The following WWOX variants were observed in gnomAD, a reference collection of about 807,000 sequenced individuals.
The protein encoded by WWOX is WW domain-containing oxidoreductase.
A neutral mutation model predicts 46.2 loss-of-function variants in WWOX; 69 were observed. The ratio of observed to expected loss-of-function variants is 1.49; its 90% CI spans 1.23 to 1.82. WWOX has a LOEUF of 1.82. Ranked by LOEUF, WWOX falls within the 40% of genes most tolerant of loss-of-function variation. The pLI is 0.00. For missense variants in WWOX, 919 were observed against 542.6 expected (o/e 1.69, Z -6.89); for synonymous variants, 359 against 202.6 (o/e 1.77, Z -6.56).
intron 8 of WWOX, among the ~76,000 whole-genome samples, chr16:78,555,188 A>AAT (rs1454593976): frequency 1.3e-5 from 2 of 150,060 alleles, no homozygotes; most frequent in Non-Finnish European, 3.0e-5. Context: ...AAAAAAAAAA[A>AAT]AATTCTAGTT....
intron 8 of WWOX, among the ~76,000 whole-genome samples, chr16:79,014,263 G>A (rs943014924): frequency 3.3e-5 from 5 of 152,158 alleles, no homozygotes; most frequent in South Asian, 2.1e-4. Context: ...CGCATGGGAC[G>A]GGAGAATACC....
intron 5 of WWOX, among the ~76,000 whole-genome samples, chr16:78,218,232 T>C (rs34454460): frequency 0.12 from 18,047 of 151,974 alleles, 1,281 homozygotes; most frequent in Non-Finnish European, 0.16. Flanking sequence ...TTTATACTTA[T>C]ATTTATGTAT....
intron 1 of WWOX, among the ~76,000 whole-genome samples, chr16:78,103,065 C>T (rs947232925): frequency 6.6e-6 from 1 of 152,108 alleles, no homozygotes; most frequent in African/African-American, 2.4e-5. Flanking sequence ...CTGGGGCTCC[C>T]TTGCTCCTGC....
intron 8 of WWOX, among the ~76,000 whole-genome samples, chr16:78,571,680 C>T (rs1413340212): frequency 2.0e-5 from 3 of 152,036 alleles, no homozygotes; most frequent in African/African-American, 7.2e-5. Flanking sequence ...ACCAGCCTGG[C>T]CAACATGGTG....
At chr16:78,592,479 G>C (rs2045374730) in intron 8 of WWOX, among the ~76,000 whole-genome samples, 1 of 152,236 alleles carries the variant, frequency 6.6e-6, no homozygotes, top group South Asian at 2.1e-4. Flanking sequence ...AGGACGCAGA[G>C]TTATTCCTCA....
chr16:78,365,554 C>T (rs2081516401), intron 5 of WWOX, among the ~76,000 whole-genome samples: 1 of 152,038 alleles, frequency 6.6e-6, no homozygotes, highest in African/African-American at 2.4e-5. Context: ...ATGTGCTGTC[C>T]CCAGTAGGAT....
At chr16:78,901,168 G>A (rs1317327652) in intron 8 of WWOX, among the ~76,000 whole-genome samples, 2 of 152,138 alleles carry the variant, frequency 1.3e-5, no homozygotes, top group Admixed American at 6.5e-5. Flanking sequence ...CAGAGTTCGG[G>A]TTCCTTCCTA....
chr16:78,496,541 A>G (rs746551652), intron 8 of WWOX: 3 of 152,224 alleles, frequency 2.0e-5, no homozygotes, highest in Admixed American at 1.3e-4. Context: ...TGTGTGTACC[A>G]TTCTATGACC....
intron 8 of WWOX, among the ~76,000 whole-genome samples, chr16:78,593,882 A>G (rs1201246263): frequency 1.3e-5 from 2 of 152,190 alleles, no homozygotes; most frequent in East Asian, 3.9e-4. Context: ...AGCTGTAGAC[A>G]AACAAAAATG....
At chr16:78,770,463 C>T (rs1358389648) in intron 8 of WWOX, among the ~76,000 whole-genome samples, 1 of 152,176 alleles carries the variant, frequency 6.6e-6, no homozygotes, top group Non-Finnish European at 1.5e-5. Context: ...GGGGTCCCCA[C>T]GGGCCAGGAC....
chr16:78,670,575 A>T (rs1242629724), intron 8 of WWOX, among the ~76,000 whole-genome samples: 2 of 152,064 alleles, frequency 1.3e-5, no homozygotes, highest in Non-Finnish European at 2.9e-5. Flanking sequence ...TGGATTACAG[A>T]TGGTTGCTGT....
chr16:78,840,548 A>C (rs953367863), intron 8 of WWOX, among the ~76,000 whole-genome samples: 33 of 152,188 alleles, frequency 2.2e-4, no homozygotes, highest in African/African-American at 6.0e-4. Context: ...TTATGTCAGC[A>C]TTAAGCAGTA....
intron 8 of WWOX, among the ~76,000 whole-genome samples, chr16:78,646,938 G>C (rs1454175529): frequency 1.3e-5 from 2 of 152,260 alleles, no homozygotes; most frequent in African/African-American, 4.8e-5. Flanking sequence ...GGTTGGAGGG[G>C]GGATGCCTTG....
In WWOX at chr16:78,593,507, A is replaced by G. The variant is rs140937822; in HGVS notation, c.1056+160755A>G. On this transcript the variant is annotated intron_variant, in intron 8 of 8. Coordinates refer to ENST00000566780, the MANE Select transcript of WWOX (RefSeq NM_016373.4). ...CCAGCCAGAGGTGGGCACATGACCCAGGTCAGACCAGTCACAGTTCCTGAT... is the reference window on the plus strand; with the variant it reads ...CCAGCCAGAGGTGGGCACATGACCCGGGTCAGACCAGTCACAGTTCCTGAT... Among the ~76,000 whole-genome samples the G allele has an allele frequency of 3.2e-3, 485 of 152,338 alleles. 2 individuals are homozygous for G. Among genetic ancestry groups the G allele is most frequent in the Admixed American group, 6.3e-3 (96 of 15,304 alleles).
intron 8 of WWOX, among the ~76,000 whole-genome samples, chr16:78,995,172 T>C (rs1039523524): frequency 1.3e-5 from 2 of 152,042 alleles, no homozygotes; most frequent in African/African-American, 2.4e-5. Flanking sequence ...AGCAAAAGTA[T>C]CTTCCAAGCT....
intron 8 of WWOX, among the ~76,000 whole-genome samples, chr16:79,084,928 T>C (rs1484151665): frequency 6.6e-6 from 1 of 152,132 alleles, no homozygotes; most frequent in Non-Finnish European, 1.5e-5. Flanking sequence ...AAAGATGATA[T>C]AATTTTGCAA....
chr16:78,429,091 T>A (rs1246693514), intron 7 of WWOX, among the ~76,000 whole-genome samples: 1 of 152,230 alleles, frequency 6.6e-6, no homozygotes, highest in African/African-American at 2.4e-5. Context: ...ATTGAGTCCT[T>A]ACTATGTGTC....
At chr16:78,369,949 A>G (rs2081630636) in intron 5 of WWOX, among the ~76,000 whole-genome samples, 1 of 151,922 alleles carries the variant, frequency 6.6e-6, no homozygotes, top group Admixed American at 6.6e-5. Context: ...CCTGGCCAAC[A>G]TGGTGAAACC....
At chr16:78,907,774 A>C (rs1039600762) in intron 8 of WWOX, among the ~76,000 whole-genome samples, 2 of 152,180 alleles carry the variant, frequency 1.3e-5, no homozygotes, top group African/African-American at 4.8e-5. Flanking sequence ...TCCCATTTCA[A>C]CAGATCTAGA....
Sources: gnomAD v4.1 joint callset for allele counts (sites outside exome capture counted in the v4.1 genomes callset) on GRCh38, gnomAD v4.1.1 for gene constraint, MANE v1.5 for transcripts, NCBI Gene and HGNC (gene_info 2026-07-23, HGNC 2026-07-21) for gene names.